Variants in CIITA observed in about 807,000 individuals in gnomAD.
CIITA encodes the protein MHC class II transactivator.
CIITA carries 72 observed loss-of-function variants against 115.1 expected under a neutral mutation model. The observed-to-expected ratio is 0.63, with a 90% CI of 0.52 to 0.76. CIITA has a LOEUF of 0.76. CIITA is among the 30% of genes least tolerant of loss of function. The pLI, the probability that CIITA is intolerant of heterozygous loss-of-function variation, is 0.00. For synonymous variants in CIITA, 763 were observed against 635.6 expected (o/e 1.20, Z -3.02); for missense variants, 1,617 against 1,463.8 (o/e 1.10, Z -1.71).
Position 10,935,801 on chromosome 16 carries a change from T to G in CIITA, c.*11946T>G, listed in dbSNP as rs867344507. The G allele has an allele frequency of 3.3e-5, 5 of 152,098 alleles. No homozygotes were observed. Among genetic ancestry groups the G allele is most frequent in the Non-Finnish European group, 7.3e-5 (5 of 68,032 alleles). The allele number at this position is 152,098 out of a possible 1,614,324, so 9.4% of individuals were successfully genotyped here. ...AGTATAACCATCAGACAAACCCAAA[T>G]TGAGAGACAGTTTACAAAACACCAG... On this transcript the variant is annotated 3_prime_UTR_variant, in exon 20 of 20. Transcript: ENST00000324288.
At chr16:10,916,709 C>G in intron 15 of CIITA, 1 of 537,454 alleles carries the variant, frequency 1.9e-6, no homozygotes, top group South Asian at 2.0e-5. Context: ...TTCATCCATT[C>G]ACTCATTCAC....
At chr16:10,937,796 C>T (rs2041049633), downstream of CIITA, 2 of 152,272 alleles carry the variant, frequency 1.3e-5, no homozygotes, top group African/African-American at 2.4e-5. This position sits in a 1 kb window ranked among gnomAD's most constrained non-coding sequence, Gnocchi z 4.2. Context: ...TCCCCATTCC[C>T]TGCTCCTGGG....
rs1233542462 is a variant in CIITA, at chr16:10,902,722, C to T, written c.693C>T (p.Pro231=). 2.5e-6 allele frequency: 4 copies of T among 1,614,226 alleles called. No homozygotes were observed. The highest frequency in any genetic ancestry group is 4.5e-5 in the East Asian group (2 of 44,884). ...NLPEGPIQFV[P]TISTLPHGLW... ...CTGAGGGACCCATCCAGTTTGTCCC[C>T]ACCATCTCCACTCTGCCCCATGGGC... Residue 231 remains proline, a synonymous_variant, in exon 8 of 20, where the codon CCC becomes CCT. Coordinates refer to ENST00000324288, the MANE Select transcript of CIITA (RefSeq NM_000246.4).
At chr16:10,905,622 C>T (rs776740485) in intron 10 of CIITA, among the ~76,000 whole-genome samples, 3 of 151,964 alleles carry the variant, frequency 2.0e-5, no homozygotes, top group African/African-American at 4.8e-5. Context: ...ATTAGCCAGA[C>T]GTGGTAGTGG....
intron 13 of CIITA, among the ~76,000 whole-genome samples, chr16:10,911,376 T>G (rs997614857): frequency 3.2e-5 from 3 of 93,480 alleles, no homozygotes; most frequent in Non-Finnish European, 7.5e-5. Context: ...GTTTCTTTCT[T>G]TCTTTCTCTC....
chr16:10,908,427 G>C, intron 11 of CIITA: 1 of 569,206 alleles, frequency 1.8e-6, no homozygotes. Context: ...AGACTGACCT[G>C]GGCTCAAATT....
At chr16:10,874,876 C>A (rs1162671702), upstream of CIITA, among the ~76,000 whole-genome samples, 2 of 152,144 alleles carry the variant, frequency 1.3e-5, no homozygotes, top group Admixed American at 6.5e-5. Context: ...ATAAAGGGAC[C>A]CCCATATGGG....
Position 10,941,489 on chromosome 16 carries a change from G to A in CIITA, n.615G>A, listed in dbSNP as rs965435991. On this transcript the variant is annotated non_coding_transcript_exon_variant, in exon 2 of 2. Coordinates refer to the CIITA transcript ENST00000573379. The surrounding 1 kb of genome is among the most constrained non-coding windows in gnomAD (Gnocchi z 6.4). ...CGGAGGAGAAGCCTGAGGGAGGGGT[G>A]TGTATCCGGCCTGGGAATTCCTCCC... 7.6e-7 allele frequency: 1 copy of A among 1,316,250 alleles called. No individual in the cohort carries two copies. The highest frequency in any genetic ancestry group is 9.8e-7 in the Non-Finnish European group (1 of 1,015,682). The allele number at this position is 1,316,250 out of a possible 1,614,324, so 81.5% of individuals were successfully genotyped here.
intron 9 of CIITA, 83 bp downstream of exon 9, chr16:10,903,978 A>G: frequency 6.3e-7 from 1 of 1,581,130 alleles, no homozygotes; most frequent in South Asian, 1.1e-5. Flanking sequence ...AAGATCCACA[A>G]GCAAAGCTGC....
intron 1 of CIITA, among the ~76,000 whole-genome samples, chr16:10,882,568 A>C (rs2036534893): frequency 6.6e-6 from 1 of 152,120 alleles, no homozygotes; most frequent in Non-Finnish European, 1.5e-5. Context: ...TTTTTAGGAA[A>C]AAAATATATA....
intron 1 of CIITA, among the ~76,000 whole-genome samples, chr16:10,894,144 G>A (rs1271115139): frequency 1.3e-5 from 2 of 152,088 alleles, no homozygotes; most frequent in Admixed American, 6.6e-5. Context: ...GAGCCACCAC[G>A]CCCCACCCCT....
chr16:10,871,702 C>T (rs1399886916), intron 1 of CIITA, among the ~76,000 whole-genome samples: 2 of 152,186 alleles, frequency 1.3e-5, no homozygotes, highest in Non-Finnish European at 2.9e-5. Flanking sequence ...CTCTCACCTT[C>T]TGGGCTTCCT....
At chr16:10,891,025 C>T (rs942112431) in intron 1 of CIITA, among the ~76,000 whole-genome samples, 6 of 152,090 alleles carry the variant, frequency 3.9e-5, no homozygotes, top group African/African-American at 1.2e-4. Flanking sequence ...GCCTTCTTTC[C>T]CTTCTCAATT....
intron 1 of CIITA, among the ~76,000 whole-genome samples, chr16:10,891,812 T>G (rs762634960): frequency 6.6e-6 from 1 of 152,176 alleles, no homozygotes; most frequent in Non-Finnish European, 1.5e-5. Context: ...AAAAGGGCGG[T>G]GGCCCCATCT....
At chr16:10,915,522 G>C (rs2039891604) in intron 13 of CIITA, 48 bp from the exon 14 acceptor site, 2 of 1,456,430 alleles carry the variant, frequency 1.4e-6, no homozygotes, top group African/African-American at 2.8e-5. Flanking sequence ...GCTGAATGAG[G>C]GGCTGTGACT....
intron 4 of CIITA, 39 bp downstream of exon 4, chr16:10,898,771 G>T (rs1417889523): frequency 6.2e-7 from 1 of 1,610,052 alleles, no homozygotes; most frequent in Non-Finnish European, 8.5e-7. Context: ...GGCTCAGCCT[G>T]CATTTCCTGC....
chr16:10,881,961 A>G (rs867329618), intron 1 of CIITA, among the ~76,000 whole-genome samples: 2 of 152,182 alleles, frequency 1.3e-5, no homozygotes, highest in African/African-American at 4.8e-5. Context: ...CACTTAGCAT[A>G]ATGTCTTCCA....
rs2038223862 is a variant in CIITA, at chr16:10,897,253, C to G, written c.296-1417C>G. 3.9e-5 allele frequency among the ~76,000 whole-genome samples: 6 copies of G among 152,208 alleles called. 1 individual carries two copies. In the South Asian group the frequency reaches 1.2e-3, roughly 31 times the overall value. On this transcript the variant is annotated intron_variant, in intron 3 of 19. Coordinates refer to ENST00000324288, the MANE Select transcript of CIITA (RefSeq NM_000246.4). ...GGGCCTTCTTACTGGTGAGGACTCTCTGCAGAGTCCCAAGGCAGTGTGGGG... is the reference window on the plus strand; with the variant it reads ...GGGCCTTCTTACTGGTGAGGACTCTGTGCAGAGTCCCAAGGCAGTGTGGGG...
At chr16:10,938,338 G>A (rs74245513), downstream of CIITA, 18,393 of 151,234 alleles carry the variant, frequency 0.12, 1,131 homozygotes, top group African/African-American at 0.14. The surrounding 1 kb of genome is among the most constrained non-coding windows in gnomAD (Gnocchi z 4.9). Context: ...AAATGTTTGA[G>A]GAACTGAATT....
Sources: gnomAD v4.1 joint callset for allele counts (sites outside exome capture counted in the v4.1 genomes callset) on GRCh38, gnomAD v4.1.1 for gene constraint, Gnocchi (gnomAD v3.1) non-coding constraint, MANE v1.5 for transcripts, NCBI Gene and HGNC (gene_info 2026-07-23, HGNC 2026-07-21) for gene names.